The following SLC30A5 variants were observed in gnomAD, a reference collection of about 807,000 sequenced individuals.
The protein encoded by SLC30A5 is proton-coupled zinc antiporter SLC30A5.
Under a neutral mutation model 79.6 loss-of-function variants are expected in SLC30A5, and 33 were observed. That is an observed-to-expected ratio of 0.41 (90% CI 0.31 to 0.55). SLC30A5 has a LOEUF of 0.55. SLC30A5 is among the 20% of genes least tolerant of loss of function. SLC30A5 has a pLI of 0.20. For missense variants in SLC30A5, 788 were observed against 928.1 expected (o/e 0.85, Z 1.96); for synonymous variants, 299 against 319.7 (o/e 0.94, Z 0.69).
chr5:69,114,581 T>G (rs1746312414), intron 7 of SLC30A5, 85 bp downstream of exon 7: 8 of 933,920 alleles, frequency 8.6e-6, no homozygotes, highest in Non-Finnish European at 1.4e-5. Flanking sequence ...TAAAATAAAT[T>G]ATCAGCTGGG....
chr5:69,095,513 GT>G (rs1745703478), intron 1 of SLC30A5, among the ~76,000 whole-genome samples: 1 of 152,038 alleles, frequency 6.6e-6, no homozygotes, highest in South Asian at 2.1e-4. Flanking sequence ...ATAAGCATTT[GT>G]TATGAAAAGG....
chr5:69,126,285 T>C (rs1169375206), intron 14 of SLC30A5, among the ~76,000 whole-genome samples: 7 of 152,138 alleles, frequency 4.6e-5, no homozygotes, highest in Admixed American at 1.3e-4. Context: ...TGGATAGTAG[T>C]ACATCATGGG....
chr5:69,103,877 G>A, intron 3 of SLC30A5: 3 of 1,038,140 alleles, frequency 2.9e-6, no homozygotes, highest in South Asian at 1.6e-5. Context: ...ACGAATTTAA[G>A]TACTTCTGTT....
At chr5:69,115,637 A>T (rs918578320) in intron 8 of SLC30A5, among the ~76,000 whole-genome samples, 1 of 152,196 alleles carries the variant, frequency 6.6e-6, no homozygotes. Context: ...TCACATTGCT[A>T]TGGCCCAAAG....
At position 69,121,885 on chromosome 5, in the gene SLC30A5, T is replaced by C. The variant is rs147471025; in HGVS notation, c.1761T>C (p.Ala587=). The C allele has an allele frequency of 1.0e-4, 166 of 1,613,214 alleles. No individual in the cohort carries two copies. In the African/African-American group the frequency reaches 2.0e-3, roughly 20 times the overall value. ...SHGSAGGGMN[A]NMRGVFLHVL... The stretch of plus-strand genomic sequence containing the variant: ...GATCTGCGGGTGGAGGCATGAATGC[T>C]AACATGAGGGGTGAGTCCTTGCAAA... Residue 587 remains alanine, a synonymous_variant, in exon 13 of 16, where the codon GCT becomes GCC. Transcript: ENST00000396591.
At chr5:69,128,961 T>C (rs1384371388) in intron 15 of SLC30A5, among the ~76,000 whole-genome samples, 1 of 152,136 alleles carries the variant, frequency 6.6e-6, no homozygotes, top group Non-Finnish European at 1.5e-5. Flanking sequence ...ACTTCGAAGA[T>C]TTATCTTGGA....
At chr5:69,127,819 A>G (rs1285528163) in intron 14 of SLC30A5, among the ~76,000 whole-genome samples, 185 bp from the exon 15 acceptor site, 1 of 151,910 alleles carries the variant, frequency 6.6e-6, no homozygotes, top group Non-Finnish European at 1.5e-5. Flanking sequence ...CCCATCTCCT[A>G]TTCCTTCCTG....
rs761129674 is a variant in SLC30A5, at chr5:69,108,394, A to C, written c.405A>C (p.Leu135=). The change falls in exon 5 of 16, where the codon CTA becomes CTC. Residue 135 remains leucine (L), a synonymous_variant. Coordinates refer to ENST00000396591, the MANE Select transcript of SLC30A5 (RefSeq NM_022902.5). ...FEHSDIVVIS[L]LSVLFTSSGG... ...ACAGTGATATTGTTGTCATTTCACT[A>C]CTCAGTGTTTTGTTCACCAGTTCTG... is the stretch of plus-strand genomic sequence containing the variant. 1 of 1,613,922 alleles carries C rather than the reference A, an allele frequency of 6.2e-7. No homozygotes were observed. The highest frequency in any genetic ancestry group is 1.1e-5 in the South Asian group (1 of 91,080).
At position 69,115,165 on chromosome 5, in the gene SLC30A5, A is replaced by C. The variant is rs547450435; in HGVS notation, c.613-72A>C. 1.1e-4 allele frequency: 86 copies of C among 754,498 alleles called. No homozygotes were observed. In the East Asian group the frequency reaches 2.6e-3, roughly 22 times the overall value. The allele number at this position is 754,498 out of a possible 1,614,324, so 46.7% of individuals were successfully genotyped here. A position where few individuals can be genotyped will look rare whatever the true frequency, so the allele number is the denominator to read the frequency against. ...AAAAAAAAAAAAAAAAAAAAAAAAA[A>C]GATCATGTATTTAACGACTGACTGT... On this transcript the variant is annotated intron_variant, in intron 7 of 15. Transcript: ENST00000396591.
intron 3 of SLC30A5, chr5:69,104,415 T>A: frequency 7.9e-7 from 1 of 1,265,448 alleles, no homozygotes; most frequent in Non-Finnish European, 1.0e-6. Context: ...GTGCTAGGAT[T>A]ACAGGCATGA....
intron 13 of SLC30A5, among the ~76,000 whole-genome samples, chr5:69,122,347 A>T (rs1204754973): frequency 6.6e-6 from 1 of 152,200 alleles, no homozygotes. Context: ...TGGCCGTCAC[A>T]GAAAATTTTT....
At chr5:69,097,353 G>A (rs537795596) in intron 1 of SLC30A5, among the ~76,000 whole-genome samples, 65 of 152,252 alleles carry the variant, frequency 4.3e-4, no homozygotes, top group African/African-American at 1.1e-3. Flanking sequence ...CTGACCTCGT[G>A]ATCCGCCCGC....
chr5:69,112,126 G>GTC (rs555012112), intron 5 of SLC30A5, among the ~76,000 whole-genome samples: 374 of 152,036 alleles, frequency 2.5e-3, no homozygotes, highest in African/African-American at 8.7e-3. Flanking sequence ...GGTGAAACCC[G>GTC]TCTGTACTAA....
chr5:69,109,818 T>C (rs1045685879), intron 5 of SLC30A5, among the ~76,000 whole-genome samples: 2 of 152,182 alleles, frequency 1.3e-5, no homozygotes, highest in Non-Finnish European at 2.9e-5. Context: ...GGGTCCTACT[T>C]GCAGACCCTG....
intron 4 of SLC30A5, among the ~76,000 whole-genome samples, chr5:69,106,671 C>T (rs1005453555): frequency 6.6e-6 from 1 of 152,054 alleles, no homozygotes; most frequent in Non-Finnish European, 1.5e-5. Flanking sequence ...CATGGTGCTG[C>T]GTGCCTGTAA....
chr5:69,128,216 T>A (rs1746755537), intron 15 of SLC30A5, 84 bp downstream of exon 15: 1 of 972,916 alleles, frequency 1.0e-6, no homozygotes, highest in East Asian at 2.8e-5. Flanking sequence ...GGCTCAGTAG[T>A]CATTTACTAT....
chr5:69,127,947 ATTGTG>A, intron 14 of SLC30A5, 52 bp from the exon 15 acceptor site: 1 of 1,456,014 alleles, frequency 6.9e-7, no homozygotes, highest in East Asian at 2.3e-5. Flanking sequence ...AAGCATCTCC[ATTGTG>A]TTGTGTAAAG....
chr5:69,110,434 G>A (rs374174612), intron 5 of SLC30A5, among the ~76,000 whole-genome samples: 11 of 152,300 alleles, frequency 7.2e-5, no homozygotes, highest in Admixed American at 2.6e-4. Context: ...AACATGCCAA[G>A]TAGAGCAGAG....
At chr5:69,108,477 T>G in intron 5 of SLC30A5, 41 bp downstream of exon 5, 2 of 1,324,350 alleles carry the variant, frequency 1.5e-6, no homozygotes, top group Non-Finnish European at 2.2e-6. Context: ...ATGGAAAGTA[T>G]GTATGTCACA....
Sources: allele counts gnomAD v4.1 joint callset (sites outside exome capture counted in the v4.1 genomes callset), GRCh38; gene constraint gnomAD v4.1.1; transcripts MANE v1.5; gene names NCBI Gene and HGNC (gene_info 2026-07-23, HGNC 2026-07-21).